AP2B1: variants seen among roughly 807,000 people sequenced by gnomAD.
AP2B1 encodes AP-2 complex subunit beta.
Under a neutral mutation model 102.0 loss-of-function variants are expected in AP2B1, and 23 were observed. That is an observed-to-expected ratio of 0.23 (90% CI 0.16 to 0.32). The LOEUF is 0.32. AP2B1 is among the 10% of genes least tolerant of loss of function. The pLI is 1.00. For missense variants in AP2B1, 541 were observed against 1,157.4 expected (o/e 0.47, Z 7.73); for synonymous variants, 381 against 421.2 (o/e 0.90, Z 1.17).
intron 2 of AP2B1, chr17:35,596,811 G>A (rs1021200860): frequency 9.4e-6 from 6 of 639,688 alleles, no homozygotes; most frequent in East Asian, 3.4e-5. Context: ...CCCCCGCAGC[G>A]CTGCCAGGCC....
At chr17:35,633,830 A>G (rs1247846004) in intron 9 of AP2B1, among the ~76,000 whole-genome samples, 4 of 152,170 alleles carry the variant, frequency 2.6e-5, no homozygotes, top group African/African-American at 9.7e-5. Context: ...ATGTCTTTTT[A>G]CAGTTTGTGC....
Position 35,725,524 on chromosome 17 carries a change from C to T in AP2B1, c.*1825C>T, listed in dbSNP as rs1478053169. ...AAGCACTTTCTTAAACCTTGAGAAT[C>T]TCCAAGAGAAAAATATTTGGGGAAG... On this transcript the variant is annotated 3_prime_UTR_variant, in exon 22 of 22. Transcript: ENST00000610402. 6.6e-6 allele frequency: 1 copy of T among 152,178 alleles called. No individual in the cohort carries two copies. Among genetic ancestry groups the T allele is most frequent in the Non-Finnish European group, 1.5e-5 (1 of 68,046 alleles). The allele number at this position is 152,178 out of a possible 1,614,324, so 9.4% of individuals were successfully genotyped here. A position where few individuals can be genotyped will look rare whatever the true frequency, so the allele number is the denominator to read the frequency against.
intron 17 of AP2B1, among the ~76,000 whole-genome samples, chr17:35,676,050 C>T (rs2075694756): frequency 6.6e-6 from 1 of 152,116 alleles, no homozygotes; most frequent in Admixed American, 6.6e-5. Flanking sequence ...TCCTCCTTCT[C>T]TGTTTTGTTC....
At chr17:35,717,068 A>G in intron 20 of AP2B1, 127 bp from the exon 21 acceptor site, 1 of 1,027,798 alleles carries the variant, frequency 9.7e-7, no homozygotes, top group East Asian at 2.5e-5. Flanking sequence ...TCTGAAGTGT[A>G]CACATGTCCA....
intron 5 of AP2B1, among the ~76,000 whole-genome samples, chr17:35,619,079 T>C (rs894820816): frequency 2.6e-5 from 4 of 152,170 alleles, no homozygotes; most frequent in Non-Finnish European, 5.9e-5. Context: ...CAAGTATTAG[T>C]ACTCAGACAC....
At chr17:35,633,615 C>T (rs1325579752) in intron 9 of AP2B1, among the ~76,000 whole-genome samples, 2 of 152,116 alleles carry the variant, frequency 1.3e-5, no homozygotes, top group African/African-American at 4.8e-5. Flanking sequence ...TCCGTTTTAT[C>T]TTCTCCCTCT....
At chr17:35,660,955 G>T (rs1325972332) in intron 14 of AP2B1, among the ~76,000 whole-genome samples, 1 of 152,158 alleles carries the variant, frequency 6.6e-6, no homozygotes, top group African/African-American at 2.4e-5. Context: ...CCAAACCCCT[G>T]TTTAAAATAT....
intron 5 of AP2B1, among the ~76,000 whole-genome samples, chr17:35,622,790 G>T (rs2074216890): frequency 6.6e-6 from 1 of 152,044 alleles, no homozygotes; most frequent in Admixed American, 6.6e-5. Flanking sequence ...TCAGCCTCCT[G>T]AGTAGCTGGG....
intron 3 of AP2B1, among the ~76,000 whole-genome samples, chr17:35,602,619 T>C (rs1309099227): frequency 6.6e-6 from 1 of 152,214 alleles, no homozygotes; most frequent in African/African-American, 2.4e-5. Context: ...GTAATCAACA[T>C]AAAAATTATT....
chr17:35,605,979 AT>A, intron 4 of AP2B1, 139 bp downstream of exon 4: 3 of 1,368,782 alleles, frequency 2.2e-6, no homozygotes, highest in Non-Finnish European at 2.9e-6. Context: ...AGTGTGTGTC[AT>A]CCAGGGAAAT....
At chr17:35,628,725 C>A (rs942497322) in intron 9 of AP2B1, among the ~76,000 whole-genome samples, 2 of 152,200 alleles carry the variant, frequency 1.3e-5, no homozygotes, top group African/African-American at 4.8e-5. Context: ...ATACACCCAC[C>A]ATTCCCACTT....
intron 9 of AP2B1, 48 bp downstream of exon 9, chr17:35,627,774 T>C (rs2074357863): frequency 7.0e-7 from 1 of 1,436,628 alleles, no homozygotes; most frequent in Non-Finnish European, 9.6e-7. Flanking sequence ...ATTCTGAGAG[T>C]TCTCTTCACT....
intron 13 of AP2B1, among the ~76,000 whole-genome samples, chr17:35,651,627 T>C (rs2075088223): frequency 6.6e-6 from 1 of 152,108 alleles, no homozygotes; most frequent in Non-Finnish European, 1.5e-5. Context: ...TTTTTGTGAA[T>C]GGCCAAAGTA....
In AP2B1 at chr17:35,682,603, C is replaced by G. The variant is rs587645201; in HGVS notation, c.2325-92C>G. On this transcript the variant is annotated intron_variant, in intron 17 of 21. Transcript: ENST00000610402. ...AGGTGATTCACCCACCTCAGCCTCC[C>G]AAAATGCTGGGATTACAGGCATGAG... The G allele has an allele frequency of 5.9e-5, 82 of 1,380,650 alleles. 1 individual carries two copies. The African/African-American group carries it at 1.0e-3, about 17-fold the overall frequency. The allele number at this position is 1,380,650 out of a possible 1,614,324, so 85.5% of individuals were successfully genotyped here.
chr17:35,650,513 C>G lies in AP2B1; in HGVS notation c.1537-17C>G, dbSNP rs1049673436. The G allele has an allele frequency of 6.2e-7, 1 of 1,611,828 alleles. No homozygotes were observed. The highest frequency in any genetic ancestry group is 8.5e-7 in the Non-Finnish European group (1 of 1,178,776). ...AACAGTTTCATCTCCACCTCCTTGC[C>G]TTTGCCTTTTCTTTAGGATTCTGAT... is the stretch of plus-strand genomic sequence containing the variant. On this transcript the variant is annotated splice_polypyrimidine_tract_variant and intron_variant, in intron 12 of 21. Transcript: ENST00000610402.
At chr17:35,682,916 T>G in intron 18 of AP2B1, 92 bp downstream of exon 18, 1 of 1,262,606 alleles carries the variant, frequency 7.9e-7, no homozygotes, top group Non-Finnish European at 1.1e-6. Flanking sequence ...CTTACTCTGT[T>G]GCCCAGGCTG....
chr17:35,616,488 G>C (rs1313836411), intron 5 of AP2B1, among the ~76,000 whole-genome samples: 1 of 152,012 alleles, frequency 6.6e-6, no homozygotes, highest in Non-Finnish European at 1.5e-5. Context: ...ATTTTTTAGA[G>C]GAACAATTTT....
At chr17:35,659,969 G>A (rs189880305) in intron 14 of AP2B1, 1 of 985,408 alleles carries the variant, frequency 1.0e-6, no homozygotes, top group East Asian at 1.1e-4. Context: ...AAGAAGATGA[G>A]TTTCTAAGGC....
intron 1 of AP2B1, among the ~76,000 whole-genome samples, chr17:35,588,227 A>T (rs321617): frequency 7.9e-6 from 1 of 126,998 alleles, no homozygotes; most frequent in Non-Finnish European, 1.6e-5. Context: ...GTAGTCTTCT[A>T]TTGGAGGGGT....
Sources: gnomAD v4.1 joint callset for allele counts (sites outside exome capture counted in the v4.1 genomes callset) on GRCh38, gnomAD v4.1.1 for gene constraint, MANE v1.5 for transcripts, NCBI Gene and HGNC (gene_info 2026-07-23, HGNC 2026-07-21) for gene names.